Variants in C2CD2 observed in about 807,000 individuals in gnomAD.
C2CD2 encodes the protein C2 calcium dependent domain containing 2.
A neutral mutation model predicts 74.3 loss-of-function variants in C2CD2; 43 were observed. That is an observed-to-expected ratio of 0.58 (90% CI 0.45 to 0.75). The LOEUF is 0.75. Among genes scored for constraint, C2CD2 ranks in the 30% least tolerant of loss-of-function variants. The pLI is 0.00. For missense variants in C2CD2, 801 were observed against 916.3 expected (o/e 0.87, Z 1.63); for synonymous variants, 422 against 390.7 (o/e 1.08, Z -0.94).
At chr21:41,918,077 T>C in intron 5 of C2CD2, 28 bp downstream of exon 5, 1 of 1,613,638 alleles carries the variant, frequency 6.2e-7, no homozygotes, top group Non-Finnish European at 8.5e-7. Context: ...GGGGTTCAGA[T>C]GCACCCACAG....
chr21:41,891,985 AC>A lies in C2CD2; in HGVS notation c.1871-2642del, dbSNP rs1283002605. On this transcript the variant is annotated intron_variant, in intron 13 of 13. Coordinates refer to ENST00000380486, the MANE Select transcript of C2CD2 (RefSeq NM_015500.2). ...GTTATGGGCTGAACTTGGCTCCCCC[AC>A]CCCCACCCAAATTCATATGTTACAG... 4.0e-5 allele frequency among the ~76,000 whole-genome samples: 5 copies of A among 125,818 alleles called. No homozygotes were observed. The East Asian group carries it at 1.2e-3, about 30-fold the overall frequency. The allele number at this position is 125,818 out of a possible 152,430, so 82.5% of individuals were successfully genotyped here. A position where few individuals can be genotyped will look rare whatever the true frequency, so the allele number is the denominator to read the frequency against.
intron 5 of C2CD2, among the ~76,000 whole-genome samples, chr21:41,915,643 T>C (rs532373740): frequency 1.4e-4 from 22 of 152,244 alleles, no homozygotes; most frequent in African/African-American, 5.3e-4. Context: ...TTTCACCATG[T>C]TGGCCAGGCT....
In C2CD2 at chr21:41,939,313, T is replaced by C. The variant is rs556545726; in HGVS notation, c.378+2834A>G. 1.2e-4 allele frequency among the ~76,000 whole-genome samples: 18 copies of C among 152,330 alleles called. No individual in the cohort carries two copies. The highest frequency in any genetic ancestry group is 4.3e-4 in the African/African-American group (18 of 41,566). Reference sequence around the variant, plus strand: ...CCGTGTAAGGCCACTTTTCTGGCAATATGAAGTTTTTTTAAAGATGGAGTC... The same window carrying C: ...CCGTGTAAGGCCACTTTTCTGGCAACATGAAGTTTTTTTAAAGATGGAGTC... On this transcript the variant is annotated intron_variant, in intron 2 of 13. Transcript: ENST00000380486. This position sits in a 1 kb window ranked among gnomAD's most constrained non-coding sequence, Gnocchi z 5.5.
rs183087801 is a variant in C2CD2, at chr21:41,951,882, A to G, written c.279+1488T>C. On this transcript the variant is annotated intron_variant, in intron 1 of 13. Transcript: ENST00000380486. The stretch of plus-strand genomic sequence containing the variant: ...CCTCTAAGCCTGAAACTCCAGAGTT[A>G]GAAGCTGAACTTAAAGGTCATTCAC... Among the ~76,000 whole-genome samples, 187 of 152,374 alleles carry G rather than the reference A, an allele frequency of 1.2e-3. 1 individual carries two copies. The highest frequency in any genetic ancestry group is 4.1e-3 in the African/African-American group (172 of 41,598).
In C2CD2 at chr21:41,948,879, TTTTTTTTTTTTTTC is replaced by T. The variant is rs1299399255; in HGVS notation, c.279+4477_279+4490del. Among the ~76,000 whole-genome samples the T allele has an allele frequency of 2.4e-4, 31 of 128,270 alleles. 1 individual carries two copies. Among genetic ancestry groups the T allele is most frequent in the African/African-American group, 3.9e-4 (14 of 35,582 alleles). 84.2% of individuals were successfully genotyped at this position (128,270 alleles called of 152,430 possible). A position where few individuals can be genotyped will look rare whatever the true frequency, so the allele number is the denominator to read the frequency against. On this transcript the variant is annotated intron_variant, in intron 1 of 13. Transcript: ENST00000380486. ...CAAGTCCACACAGCATCTTTTTTTT[TTTTTTTTTTTTTTC>T]TTTTTTTTTACAAAGACCATAATGA...
chr21:41,953,344 C>T (rs747551518), intron 1 of C2CD2, 26 bp downstream of exon 1: 4 of 1,378,946 alleles, frequency 2.9e-6, no homozygotes, highest in Admixed American at 3.1e-5. Flanking sequence ...TCTGCCGCCC[C>T]CCGGCCCGCA....
chr21:41,909,660 A>G (rs757798549), intron 7 of C2CD2, 137 bp from the exon 8 acceptor site: 98 of 692,256 alleles, frequency 1.4e-4, no homozygotes, highest in Non-Finnish European at 2.3e-4. Context: ...ATATAAGCAA[A>G]AAAAGGGAAA....
chr21:41,922,136 C>T lies in C2CD2; in HGVS notation c.379-51G>A, dbSNP rs73365207. The T allele has an allele frequency of 4.8e-3, 4,861 of 1,004,392 alleles. 165 individuals carry two copies. The African/African-American group carries it at 0.069, about 14-fold the overall frequency. 62.2% of individuals were successfully genotyped at this position (1,004,392 alleles called of 1,614,324 possible). ...AAACTGTATCCAAAACAAAGGACAG[C>T]GCGTGCATACGCATCTTCTTCTTCT... On this transcript the variant is annotated intron_variant, in intron 2 of 13. Transcript: ENST00000380486.
intron 2 of C2CD2, among the ~76,000 whole-genome samples, chr21:41,941,910 T>C (rs2065357184): frequency 6.6e-6 from 1 of 152,204 alleles, no homozygotes; most frequent in African/African-American, 2.4e-5. Context: ...ATTTTCAGGG[T>C]TCATCCGCAC....
rs942114068 is a variant in C2CD2, at chr21:41,953,985, C to A, written c.-337G>T. 1 of 147,452 alleles carries A rather than the reference C, an allele frequency of 6.8e-6. No homozygotes were observed. The highest frequency in any genetic ancestry group is 2.1e-4 in the South Asian group (1 of 4,836). 9.1% of individuals were successfully genotyped at this position (147,452 alleles called of 1,614,324 possible). A position where few individuals can be genotyped will look rare whatever the true frequency, so the allele number is the denominator to read the frequency against. On this transcript the variant is annotated 5_prime_UTR_variant, in exon 1 of 14. Coordinates refer to ENST00000380486, the MANE Select transcript of C2CD2 (RefSeq NM_015500.2). The stretch of plus-strand genomic sequence containing the variant: ...CCTGCGCGCGCCGCCCCGGGCGTCC[C>A]GCCCGCGGCCCAGCGGTGGCCGGAG...
chr21:41,905,915 G>T, intron 10 of C2CD2, 78 bp from the exon 11 acceptor site: 1 of 807,544 alleles, frequency 1.2e-6, no homozygotes, highest in Non-Finnish European at 2.2e-6. Context: ...TGAAAGGACA[G>T]CCCTCACTGC....
chr21:41,947,112 TTCTCTCTC>T (rs147753254), intron 1 of C2CD2, among the ~76,000 whole-genome samples: 6 of 26,150 alleles, frequency 2.3e-4, no homozygotes, highest in East Asian at 1.9e-3. Flanking sequence ...CCTTTCTCTT[TTCTCTCTC>T]TCTCTCTCTC....
intron 2 of C2CD2, among the ~76,000 whole-genome samples, chr21:41,927,961 T>C (rs1404445574): frequency 6.6e-6 from 1 of 152,198 alleles, no homozygotes; most frequent in Non-Finnish European, 1.5e-5. Flanking sequence ...TTACATACTT[T>C]AAACAAGAAA....
chr21:41,947,137 TCTCC>T (rs1555906771), intron 1 of C2CD2, among the ~76,000 whole-genome samples: 28 of 25,682 alleles, frequency 1.1e-3, no homozygotes, highest in African/African-American at 3.5e-3. Context: ...TCTCTCTCTC[TCTCC>T]CTCCCTCCCT....
intron 2 of C2CD2, among the ~76,000 whole-genome samples, chr21:41,927,725 T>A (rs950036658): frequency 1.3e-5 from 2 of 152,176 alleles, no homozygotes; most frequent in African/African-American, 4.8e-5. Flanking sequence ...CACCTTGGCC[T>A]CCCAATTTGC....
At chr21:41,906,821 G>A (rs567488061) in intron 10 of C2CD2, among the ~76,000 whole-genome samples, 171 bp downstream of exon 10, 9 of 152,304 alleles carry the variant, frequency 5.9e-5, no homozygotes, top group Non-Finnish European at 1.3e-4. Flanking sequence ...ACTGTCATCC[G>A]ATAACAACAA....
chr21:41,914,182 T>C (rs1050863043), intron 6 of C2CD2, among the ~76,000 whole-genome samples: 3 of 151,574 alleles, frequency 2.0e-5, no homozygotes, highest in Non-Finnish European at 4.4e-5. Flanking sequence ...GCCGAGATCG[T>C]GCCATTGCAC....
chr21:41,920,498 A>C (rs777751571), intron 3 of C2CD2, among the ~76,000 whole-genome samples: 7 of 152,220 alleles, frequency 4.6e-5, no homozygotes, highest in Non-Finnish European at 1.0e-4. Flanking sequence ...AACTGTCTCC[A>C]ACCTGCCTTC....
chr21:41,913,528 C>T (rs1015428626), intron 6 of C2CD2, among the ~76,000 whole-genome samples: 7 of 152,138 alleles, frequency 4.6e-5, no homozygotes, highest in South Asian at 4.1e-4. Flanking sequence ...CCTGACCGAC[C>T]GAGTCCAGGG....
Sources: gnomAD v4.1 joint callset for allele counts (sites outside exome capture counted in the v4.1 genomes callset) on GRCh38, gnomAD v4.1.1 for gene constraint, Gnocchi (gnomAD v3.1) non-coding constraint, MANE v1.5 for transcripts, NCBI Gene and HGNC (gene_info 2026-07-23, HGNC 2026-07-21) for gene names.